The following STARD13 variants were observed in gnomAD, a reference collection of about 807,000 sequenced individuals.
The protein encoded by STARD13 is stAR-related lipid transfer protein 13.
Under a neutral mutation model 106.4 loss-of-function variants are expected in STARD13, and 62 were observed. The ratio of observed to expected loss-of-function variants is 0.58; its 90% confidence interval spans 0.48 to 0.72. The LOEUF (loss-of-function observed/expected upper bound fraction) is 0.72, where lower values mean the gene tolerates loss of function less well. STARD13 is among the 30% of genes least tolerant of loss of function. The pLI is 0.00. For synonymous variants in STARD13, 565 were observed against 553.0 expected (o/e 1.02, Z -0.31); for missense variants, 1,387 against 1,424.0 (o/e 0.97, Z 0.42).
chr13:33,572,768 A>G, the STARD13 span, among the ~76,000 whole-genome samples: 1 of 152,220 alleles, frequency 6.6e-6, no homozygotes, highest in Non-Finnish European at 1.5e-5. Flanking sequence ...CACATCAAGT[A>G]TTATGTTTAA....
chr13:33,345,534 T>C (rs528919520), downstream of STARD13, among the ~76,000 whole-genome samples: 1 of 152,228 alleles, frequency 6.6e-6, no homozygotes, highest in African/African-American at 2.4e-5. Context: ...TTACCATCAT[T>C]ATTGTAATAA....
At chr13:33,446,084 CAG>C in the STARD13 span, among the ~76,000 whole-genome samples, 9,603 of 152,010 alleles carry the variant, frequency 0.063, 695 homozygotes, top group African/African-American at 0.18. Context: ...TCTGTAATTG[CAG>C]AGTCATTTTG....
At chr13:33,544,016 C>T in the STARD13 span, among the ~76,000 whole-genome samples, 1 of 152,188 alleles carries the variant, frequency 6.6e-6, no homozygotes, top group Non-Finnish European at 1.5e-5. Context: ...GCAACCAGTT[C>T]ATAGAAATGT....
chr13:33,602,475 A>G, the STARD13 span, among the ~76,000 whole-genome samples: 2 of 152,256 alleles, frequency 1.3e-5, no homozygotes, highest in Non-Finnish European at 2.9e-5. Flanking sequence ...AAAGAAAGCC[A>G]GAGCACATAG....
At chr13:33,668,841 G>T in the STARD13 span, among the ~76,000 whole-genome samples, 1 of 152,152 alleles carries the variant, frequency 6.6e-6, no homozygotes, top group East Asian at 1.9e-4. Context: ...AGGGAGTGAA[G>T]AAAGCTGGCA....
At chr13:33,115,587 T>C (rs1875247192) in intron 8 of STARD13, among the ~76,000 whole-genome samples, 2 of 152,304 alleles carry the variant, frequency 1.3e-5, no homozygotes, top group South Asian at 4.1e-4. Flanking sequence ...AGCTGCAATG[T>C]ACTCAGGGAA....
intron 1 of STARD13, among the ~76,000 whole-genome samples, chr13:33,203,209 A>T (rs1566071349): frequency 6.7e-6 from 1 of 149,612 alleles, no homozygotes; most frequent in Non-Finnish European, 1.5e-5. Flanking sequence ...TGTTCACAGA[A>T]CAGGGTGCGT....
At chr13:33,163,589 C>CG (rs1491117543) in intron 3 of STARD13, among the ~76,000 whole-genome samples, 1 of 53,726 alleles carries the variant, frequency 1.9e-5, no homozygotes, top group African/African-American at 6.3e-5. Flanking sequence ...GACTCTGTCT[C>CG]AAAAAAAAAA....
the STARD13 span, among the ~76,000 whole-genome samples, chr13:33,481,734 C>T: frequency 6.6e-6 from 1 of 152,050 alleles, no homozygotes; most frequent in African/African-American, 2.4e-5. Flanking sequence ...TTTATTTGAA[C>T]TCTGATTTAA....
At chr13:33,552,373 A>G in the STARD13 span, among the ~76,000 whole-genome samples, 4 of 152,168 alleles carry the variant, frequency 2.6e-5, no homozygotes, top group African/African-American at 9.7e-5. Flanking sequence ...TCCAAAATAG[A>G]CCATATTCTA....
the STARD13 span, among the ~76,000 whole-genome samples, chr13:33,475,681 A>C: frequency 1.3e-5 from 2 of 152,192 alleles, no homozygotes; most frequent in Admixed American, 6.5e-5. Flanking sequence ...AGGGTAGGCC[A>C]GGTGTGGTGG....
chr13:33,645,133 T>C, the STARD13 span, among the ~76,000 whole-genome samples: 2 of 152,122 alleles, frequency 1.3e-5, no homozygotes, highest in Non-Finnish European at 2.9e-5. Flanking sequence ...GCTGGCATTG[T>C]GACTTATGTT....
At chr13:33,448,359 T>A in the STARD13 span, among the ~76,000 whole-genome samples, 2,399 of 152,308 alleles carry the variant, frequency 0.016, 62 homozygotes, top group African/African-American at 0.053. Context: ...CATCATGCAG[T>A]ATTCATCTTT....
intron 1 of STARD13, among the ~76,000 whole-genome samples, chr13:33,221,656 A>G (rs1888362886): frequency 6.6e-6 from 1 of 152,164 alleles, no homozygotes; most frequent in Non-Finnish European, 1.5e-5. Flanking sequence ...AGACTTGTGG[A>G]TCCCAGTGCA....
chr13:33,513,697 A>T, the STARD13 span, among the ~76,000 whole-genome samples: 1 of 152,086 alleles, frequency 6.6e-6, no homozygotes, highest in Non-Finnish European at 1.5e-5. Flanking sequence ...ATGCTATGCC[A>T]TTATGTATTT....
the STARD13 span, among the ~76,000 whole-genome samples, chr13:33,623,102 G>GTAAAA: frequency 1.3e-5 from 2 of 151,756 alleles, no homozygotes; most frequent in South Asian, 2.1e-4. Flanking sequence ...CATCTCAAAA[G>GTAAAA]TAAAATAAAA....
At chr13:33,441,766 G>A in the STARD13 span, among the ~76,000 whole-genome samples, 1 of 152,156 alleles carries the variant, frequency 6.6e-6, no homozygotes, top group African/African-American at 2.4e-5. Context: ...CCATCCCATT[G>A]TTTGTGTTTC....
At chr13:33,626,310 C>T in the STARD13 span, among the ~76,000 whole-genome samples, 4 of 152,202 alleles carry the variant, frequency 2.6e-5, no homozygotes, top group Non-Finnish European at 2.9e-5. Flanking sequence ...TCCTTCAGTA[C>T]CTCACGCTTG....
At chr13:33,547,109 T>C in the STARD13 span, among the ~76,000 whole-genome samples, 1 of 152,230 alleles carries the variant, frequency 6.6e-6, no homozygotes, top group African/African-American at 2.4e-5. Flanking sequence ...CCAGTAGATG[T>C]TTTTCAGCTC....
Sources: gnomAD v4.1 joint callset for allele counts (sites outside exome capture counted in the v4.1 genomes callset) on GRCh38, gnomAD v4.1.1 for gene constraint, MANE v1.5 for transcripts, NCBI Gene and HGNC (gene_info 2026-07-23, HGNC 2026-07-21) for gene names.